UBA6: variants seen among roughly 807,000 people sequenced by gnomAD.
UBA6 encodes ubiquitin like modifier activating enzyme 6.
Under a neutral mutation model 148.3 loss-of-function variants are expected in UBA6, and 87 were observed. The observed-to-expected ratio is 0.59, with a 90% confidence interval of 0.49 to 0.70. The LOEUF (loss-of-function observed/expected upper bound fraction) is 0.70, where lower values mean the gene tolerates loss of function less well. Among genes scored for constraint, UBA6 ranks in the 30% least tolerant of loss-of-function variants. UBA6 has a pLI of 0.00. For synonymous variants in UBA6, 376 were observed against 401.0 expected (o/e 0.94, Z 0.75); for missense variants, 1,186 against 1,241.2 (o/e 0.96, Z 0.67).
At chr4:67,643,323 GA>G (rs1729350767) in intron 17 of UBA6, among the ~76,000 whole-genome samples, 1 of 151,864 alleles carries the variant, frequency 6.6e-6, no homozygotes, top group African/African-American at 2.4e-5. Context: ...CCTTTCTAGT[GA>G]ATAGTCATTT....
Position 67,625,023 on chromosome 4 carries a change from C to T in UBA6, c.2683G>A (p.Ala895Thr). 2 of 1,610,558 alleles carry T rather than the reference C, an allele frequency of 1.2e-6. No individual in the cohort carries two copies. Among genetic ancestry groups the T allele is most frequent in the East Asian group, 2.2e-5 (1 of 44,846 alleles). The change falls in exon 29 of 33, where the codon GCA becomes ACA. Residue 895 changes from alanine (A) to threonine (T), a missense_variant. Coordinates refer to ENST00000322244, the MANE Select transcript of UBA6 (RefSeq NM_018227.6). ...RIAGKIIPAI[A>T]TTTATVSGLV... ...CCAGAAACTGTAGCAGTGGTTGTTGCTATAGCAGGTATAATTTTACCAGCT... is the reference window on the plus strand; with the variant it reads ...CCAGAAACTGTAGCAGTGGTTGTTGTTATAGCAGGTATAATTTTACCAGCT...
chr4:67,639,686 A>C (rs1157015381), intron 18 of UBA6, among the ~76,000 whole-genome samples: 1 of 152,186 alleles, frequency 6.6e-6, no homozygotes. Context: ...AAAACTACAG[A>C]CAGTACCAAA....
At chr4:67,639,937 C>G (rs1729263919) in intron 18 of UBA6, among the ~76,000 whole-genome samples, 1 of 152,166 alleles carries the variant, frequency 6.6e-6, no homozygotes, top group Non-Finnish European at 1.5e-5. Flanking sequence ...GCAAGCAAAA[C>G]TGGATACTGC....
intron 12 of UBA6, 47 bp downstream of exon 12, chr4:67,663,092 T>C: frequency 1.4e-6 from 2 of 1,393,410 alleles, no homozygotes; most frequent in Non-Finnish European, 2.0e-6. Context: ...TCTGAACTAC[T>C]ACTTTTATAA....
At chr4:67,676,483 C>A (rs1463339461) in intron 6 of UBA6, among the ~76,000 whole-genome samples, 1 of 152,168 alleles carries the variant, frequency 6.6e-6, no homozygotes, top group Non-Finnish European at 1.5e-5. Flanking sequence ...GAAAACAAAA[C>A]AGACAAGATT....
At chr4:67,626,835 G>C (rs1343613621) in intron 27 of UBA6, among the ~76,000 whole-genome samples, 2 of 151,816 alleles carry the variant, frequency 1.3e-5, no homozygotes, top group Non-Finnish European at 2.9e-5. Flanking sequence ...AGTCCATACT[G>C]ATCTTTTTAA....
Position 67,701,078 on chromosome 4 carries a change from C to T in UBA6, c.42G>A (p.Glu14=). ...SEPVAAHQGE[E]ASCSSWGTGS... is the part of the protein sequence containing the mutation. The stretch of plus-strand genomic sequence containing the variant: ...CAGTCCCCCAGGAAGAACAGGACGC[C>T]TCTTCCCCCTGATGGGCGGCCACAG... The change falls in exon 1 of 33, where the codon GAG becomes GAA. Residue 14 remains glutamate, a synonymous_variant. Transcript: ENST00000322244. 6.2e-7 allele frequency: 1 copy of T among 1,613,812 alleles called. No individual in the cohort carries two copies. The highest frequency in any genetic ancestry group is 8.5e-7 in the Non-Finnish European group (1 of 1,179,790).
At chr4:67,684,746 A>G (rs555342482) in intron 2 of UBA6, among the ~76,000 whole-genome samples, 4 of 152,322 alleles carry the variant, frequency 2.6e-5, no homozygotes, top group South Asian at 4.1e-4. Flanking sequence ...CATTTCAAAA[A>G]TCTTCCACTA....
chr4:67,694,115 C>T (rs1236151710), intron 2 of UBA6, among the ~76,000 whole-genome samples: 3 of 140,340 alleles, frequency 2.1e-5, no homozygotes, highest in African/African-American at 7.9e-5. Flanking sequence ...ACTCAGGAGG[C>T]TGAGGCAGGA....
intron 17 of UBA6, among the ~76,000 whole-genome samples, chr4:67,643,231 T>G (rs1729348453): frequency 3.3e-5 from 5 of 151,800 alleles, no homozygotes; most frequent in Admixed American, 3.3e-4. Context: ...AAAAAAATTC[T>G]ATTATTGGTA....
chr4:67,623,777 T>C (rs1004134495), intron 30 of UBA6, among the ~76,000 whole-genome samples: 1 of 152,086 alleles, frequency 6.6e-6, no homozygotes, highest in Non-Finnish European at 1.5e-5. Flanking sequence ...ATCTGAAAAC[T>C]AAAAAGTACA....
At chr4:67,682,961 T>A (rs1242516609) in intron 2 of UBA6, among the ~76,000 whole-genome samples, 1 of 152,218 alleles carries the variant, frequency 6.6e-6, no homozygotes, top group African/African-American at 2.4e-5. Context: ...ACATTTGTTT[T>A]AAAAATAAAT....
intron 19 of UBA6, among the ~76,000 whole-genome samples, chr4:67,636,187 G>A (rs938155653): frequency 5.3e-5 from 8 of 151,986 alleles, no homozygotes; most frequent in African/African-American, 1.9e-4. Context: ...ATACAATGAC[G>A]GAAAGTAAAT....
In UBA6 at chr4:67,641,163, A is replaced by C; in HGVS notation, c.1542T>G (p.Pro514=). 1 of 1,592,600 alleles carries C rather than the reference A, an allele frequency of 6.3e-7. No individual in the cohort carries two copies. Among genetic ancestry groups the C allele is most frequent in the Non-Finnish European group, 8.6e-7 (1 of 1,168,952 alleles). ...AATAGCAACATACCTGTATGTGATG[A>C]GGACGAAATAGGAACTGTCTATTTA... ...SNLNRQFLFR[P]HHIQKPKSYT... Residue 514 remains proline, a synonymous_variant, in exon 18 of 33, where the codon CCT becomes CCG. Transcript: ENST00000322244.
At chr4:67,690,511 C>G (rs1224729802) in intron 2 of UBA6, among the ~76,000 whole-genome samples, 1 of 151,998 alleles carries the variant, frequency 6.6e-6, no homozygotes, top group Non-Finnish European at 1.5e-5. Flanking sequence ...AGACAACCTA[C>G]AGAATGAGAG....
At chr4:67,670,095 A>C (rs1730107409) in intron 8 of UBA6, among the ~76,000 whole-genome samples, 1 of 151,840 alleles carries the variant, frequency 6.6e-6, no homozygotes, top group Admixed American at 6.6e-5. Context: ...ACCACACACC[A>C]CCAGGCCCGG....
At chr4:67,636,856 G>A (rs557115525) in intron 19 of UBA6, among the ~76,000 whole-genome samples, 146 of 146,208 alleles carry the variant, frequency 1.0e-3, no homozygotes, top group Non-Finnish European at 1.8e-3. Context: ...GCCGCCCATC[G>A]TCTGGGATGT....
At chr4:67,687,799 A>G (rs372788839) in intron 2 of UBA6, among the ~76,000 whole-genome samples, 5 of 152,228 alleles carry the variant, frequency 3.3e-5, no homozygotes, top group African/African-American at 1.2e-4. Flanking sequence ...ACGTCCCTGC[A>G]AAGGACATGA....
At chr4:67,675,152 T>C (rs1730248073) in intron 6 of UBA6, among the ~76,000 whole-genome samples, 2 of 152,152 alleles carry the variant, frequency 1.3e-5, no homozygotes, top group South Asian at 4.1e-4. Context: ...ATTTTCTTTA[T>C]TTCTATGTGC....
Sources: allele counts gnomAD v4.1 joint callset (sites outside exome capture counted in the v4.1 genomes callset), GRCh38; gene constraint gnomAD v4.1.1; transcripts MANE v1.5; gene names NCBI Gene and HGNC (gene_info 2026-07-23, HGNC 2026-07-21).